NAV1: variants seen among roughly 807,000 people sequenced by gnomAD.
The protein encoded by NAV1 is neuron navigator 1.
NAV1 carries 18 observed loss-of-function variants against 175.2 expected under a neutral mutation model. The ratio of observed to expected loss-of-function variants is 0.10; its 90% CI spans 0.07 to 0.15. The LOEUF is 0.15. NAV1 is among the 10% of genes least tolerant of loss of function. The pLI is 1.00. For missense variants in NAV1, 1,731 were observed against 2,436.6 expected (o/e 0.71, Z 6.10); for synonymous variants, 897 against 978.7 (o/e 0.92, Z 1.56).
In NAV1 at chr1:201,558,752, G is replaced by A. The variant is rs143298495; in HGVS notation, c.-144+19410G>A. 3.3e-3 allele frequency among the ~76,000 whole-genome samples: 506 copies of A among 152,058 alleles called. 3 individuals are homozygous for A. The highest frequency in any genetic ancestry group is 0.011 in the African/African-American group (453 of 41,334). ...GGCGTGAGCCACCGCGCCCGGCACAGGTGTGGTGTTTAATTTTCAGTCTCT... is the reference window on the plus strand; with the variant it reads ...GGCGTGAGCCACCGCGCCCGGCACAAGTGTGGTGTTTAATTTTCAGTCTCT... On this transcript the variant is annotated intron_variant, in intron 1 of 33. Transcript: ENST00000685211.
At chr1:201,803,684 T>G in exon 16 of NAV1, 4 of 1,612,258 alleles carry the variant, frequency 2.5e-6, no homozygotes, top group Non-Finnish European at 3.4e-6. Context: ...GCAAGGATGC[T>G]GATGCGAAAA....
At chr1:201,580,428 G>T (rs1217246147) in intron 1 of NAV1, among the ~76,000 whole-genome samples, 1 of 152,296 alleles carries the variant, frequency 6.6e-6, no homozygotes, top group East Asian at 1.9e-4. Flanking sequence ...GGTTCTCAAA[G>T]AGTTCAAAGC....
intron 2 of NAV1, among the ~76,000 whole-genome samples, chr1:201,589,636 C>T (rs111495654): frequency 0.031 from 4,789 of 152,086 alleles, 247 homozygotes; most frequent in African/African-American, 0.11. Context: ...GGACCACAGG[C>T]GCACACCACC....
chr1:201,619,286 G>A (rs1459663646), upstream of NAV1, among the ~76,000 whole-genome samples: 2 of 152,238 alleles, frequency 1.3e-5, no homozygotes, highest in Non-Finnish European at 2.9e-5. Flanking sequence ...CTAGCCATAG[G>A]GACTGGGGGA....
intron 3 of NAV1, among the ~76,000 whole-genome samples, chr1:201,727,982 T>G (rs1316156542): frequency 6.6e-6 from 1 of 152,016 alleles, no homozygotes; most frequent in African/African-American, 2.4e-5. Context: ...ACAGGAACAG[T>G]GACTGCAGGG....
intron 2 of NAV1, among the ~76,000 whole-genome samples, chr1:201,602,903 G>A (rs1667566551): frequency 6.6e-6 from 1 of 152,092 alleles, no homozygotes; most frequent in Admixed American, 6.5e-5. Flanking sequence ...AGAAATGGTA[G>A]CAGCATTCCT....
At chr1:201,700,820 G>C (rs1044541178) in intron 1 of NAV1, among the ~76,000 whole-genome samples, 4 of 151,866 alleles carry the variant, frequency 2.6e-5, no homozygotes, top group African/African-American at 9.7e-5. Flanking sequence ...GACCATCCTG[G>C]CTAACATGGT....
At chr1:201,674,392 G>GT (rs1558056411) in intron 1 of NAV1, among the ~76,000 whole-genome samples, 14 of 131,590 alleles carry the variant, frequency 1.1e-4, no homozygotes, top group African/African-American at 3.9e-4. Flanking sequence ...AGTGTGTGTT[G>GT]GGGGGGGTTG....
Position 201,778,299 on chromosome 1 carries a change from G to A in NAV1, c.1227-2122G>A, listed in dbSNP as rs149419263. ...TGAGCTGCAGCAATCCTCTTTTTGC[G>A]AGGGTCCTTCCATAAGAGCTTTCTT... On this transcript the variant is annotated intron_variant, in intron 3 of 29. Coordinates refer to ENST00000367296, the Ensembl canonical transcript of NAV1. 5.2e-3 allele frequency among the ~76,000 whole-genome samples: 788 copies of A among 152,286 alleles called. 8 individuals carry two copies. Among genetic ancestry groups the A allele is most frequent in the African/African-American group, 0.018 (751 of 41,572 alleles).
intron 1 of NAV1, among the ~76,000 whole-genome samples, chr1:201,654,501 C>A (rs1389409803): frequency 1.3e-5 from 2 of 151,438 alleles, no homozygotes; most frequent in Non-Finnish European, 2.9e-5. Flanking sequence ...CTTCCACACA[C>A]ATATACCGCA....
At chr1:201,550,956 C>T (rs1665834863) in intron 1 of NAV1, among the ~76,000 whole-genome samples, 1 of 152,234 alleles carries the variant, frequency 6.6e-6, no homozygotes, top group African/African-American at 2.4e-5. Context: ...GCCTTCACTG[C>T]AAAGGTTCCT....
chr1:201,607,771 T>G (rs1667727683), intron 2 of NAV1, among the ~76,000 whole-genome samples: 1 of 152,168 alleles, frequency 6.6e-6, no homozygotes, highest in Non-Finnish European at 1.5e-5. Context: ...GGATTATAGA[T>G]GTGAGTCACT....
At chr1:201,704,700 G>A (rs1170226386) in intron 1 of NAV1, among the ~76,000 whole-genome samples, 1 of 152,212 alleles carries the variant, frequency 6.6e-6, no homozygotes, top group Non-Finnish European at 1.5e-5. Flanking sequence ...CCACTGTGGG[G>A]GTTTGCAAAG....
intron 15 of NAV1, among the ~76,000 whole-genome samples, chr1:201,801,075 G>A (rs553866691): frequency 6.6e-6 from 1 of 152,028 alleles, no homozygotes; most frequent in African/African-American, 2.4e-5. Flanking sequence ...CCATCCTCCC[G>A]CCTTGGCCTC....
intron 1 of NAV1, among the ~76,000 whole-genome samples, chr1:201,553,474 C>T (rs967789997): frequency 2.6e-5 from 4 of 152,198 alleles, no homozygotes; most frequent in Non-Finnish European, 4.4e-5. Flanking sequence ...ACTGTGTGTT[C>T]CAACCGAGAA....
intron 3 of NAV1, among the ~76,000 whole-genome samples, chr1:201,768,333 G>GAAAGAGAA (rs1553269133): frequency 4.7e-5 from 5 of 105,674 alleles, no homozygotes; most frequent in Non-Finnish European, 9.3e-5. Context: ...CCGTCTCAGA[G>GAAAGAGAA]AAAAAAAAAA....
chr1:201,614,249 C>T (rs1266076294), intron 2 of NAV1, among the ~76,000 whole-genome samples: 1 of 152,194 alleles, frequency 6.6e-6, no homozygotes, highest in East Asian at 1.9e-4. Context: ...TTAAAATGTT[C>T]TGACCTTTTC....
At chr1:201,809,698 C>T (rs993163206) in intron 22 of NAV1, among the ~76,000 whole-genome samples, 161 bp downstream of exon 26, 4 of 152,140 alleles carry the variant, frequency 2.6e-5, no homozygotes, top group African/African-American at 9.7e-5. Context: ...ATTCTCCTGT[C>T]GCAGCCTCCT....
At chr1:201,676,791 T>A (rs1670270526) in intron 1 of NAV1, among the ~76,000 whole-genome samples, 1 of 152,224 alleles carries the variant, frequency 6.6e-6, no homozygotes, top group South Asian at 2.1e-4. Flanking sequence ...ACTGTGTTTC[T>A]GGCACTCCAT....
Sources: gnomAD v4.1 joint callset for allele counts (sites outside exome capture counted in the v4.1 genomes callset) on GRCh38, gnomAD v4.1.1 for gene constraint, MANE v1.5 for transcripts, NCBI Gene and HGNC (gene_info 2026-07-23, HGNC 2026-07-21) for gene names.